SYNE1: variants seen among roughly 807,000 people sequenced by gnomAD.
The protein encoded by SYNE1 is spectrin repeat containing nuclear envelope protein 1, also known as nesprin-1.
A neutral mutation model predicts 1,111.0 loss-of-function variants in SYNE1; 616 were observed. The observed-to-expected ratio is 0.55, with a 90% CI of 0.52 to 0.59. The LOEUF (loss-of-function observed/expected upper bound fraction) is 0.59. SYNE1 is among the 20% of genes least tolerant of loss of function. The pLI is 0.00. For synonymous variants in SYNE1, 3,855 were observed against 3,825.8 expected (o/e 1.01, Z -0.28); for missense variants, 10,006 against 10,417.0 (o/e 0.96, Z 1.72).
rs1442561741 is a variant in SYNE1 at position 152,409,228 on chromosome 6, T to C, written c.6382-2A>G. The C allele has an allele frequency of 6.2e-7, 1 of 1,613,630 alleles. No individual in the cohort carries two copies. Among genetic ancestry groups the C allele is most frequent in the Non-Finnish European group, 8.5e-7 (1 of 1,179,728 alleles). ...CATTTTGTTCTTGGCAGTTTCATGC[T>C]GTGGATAAATGATTTCTTAATTAAT... On this transcript the variant is annotated splice_acceptor_variant, in intron 43 of 145. Transcript: ENST00000367255. LOFTEE classifies it high-confidence loss of function.
At chr6:152,318,622 T>G (rs2095794864) in intron 85 of SYNE1, among the ~76,000 whole-genome samples, 1 of 152,144 alleles carries the variant, frequency 6.6e-6, no homozygotes, top group South Asian at 2.1e-4. Context: ...CACTTAGTCC[T>G]TTGACGCTCT....
intron 131 of SYNE1, among the ~76,000 whole-genome samples, chr6:152,156,592 C>T (rs1026315099): frequency 9.2e-5 from 14 of 152,188 alleles, no homozygotes; most frequent in African/African-American, 2.7e-4. Context: ...CTTGAGATTA[C>T]TTATAATACC....
chr6:152,294,184 T>G, intron 93 of SYNE1, 57 bp from the exon 94 acceptor site: 1 of 1,575,002 alleles, frequency 6.3e-7, no homozygotes, highest in Non-Finnish European at 8.7e-7. Context: ...TAGATTAATA[T>G]GCTCTGGGTA....
intron 6 of SYNE1, among the ~76,000 whole-genome samples, chr6:152,517,315 T>C (rs1445162785): frequency 6.6e-6 from 1 of 152,236 alleles, no homozygotes; most frequent in Non-Finnish European, 1.5e-5. Context: ...GGATCTCCAT[T>C]TATAAAACTA....
chr6:152,174,209 G>A (rs555573059), intron 130 of SYNE1, among the ~76,000 whole-genome samples: 17 of 152,212 alleles, frequency 1.1e-4, no homozygotes, highest in African/African-American at 3.6e-4. Flanking sequence ...AAAACTCCCC[G>A]GGGGATGTTT....
chr6:152,461,498 A>G, intron 21 of SYNE1, 99 bp downstream of exon 21: 2 of 1,452,066 alleles, frequency 1.4e-6, no homozygotes, highest in Non-Finnish European at 9.6e-7. Flanking sequence ...AGCATCGTTA[A>G]CAAGTAAACA....
chr6:152,564,729 G>A (rs1242472720), intron 3 of SYNE1, among the ~76,000 whole-genome samples: 1 of 152,144 alleles, frequency 6.6e-6, no homozygotes, highest in African/African-American at 2.4e-5. Flanking sequence ...CTCTTCAGTA[G>A]AGGCCAAAAG....
intron 3 of SYNE1, among the ~76,000 whole-genome samples, chr6:152,564,833 AG>A (rs2099406999): frequency 6.6e-6 from 1 of 152,180 alleles, no homozygotes. Context: ...GAATTTCAAA[AG>A]GTGACTTAGC....
intron 41 of SYNE1, among the ~76,000 whole-genome samples, chr6:152,415,458 G>A (rs1216275444): frequency 6.6e-6 from 1 of 152,072 alleles, no homozygotes; most frequent in Non-Finnish European, 1.5e-5. Flanking sequence ...CTCTACAAGA[G>A]AACTGTTTCA....
intron 97 of SYNE1, among the ~76,000 whole-genome samples, chr6:152,279,037 T>C (rs139031996): frequency 0.012 from 1,798 of 152,018 alleles, 14 homozygotes; most frequent in Non-Finnish European, 0.019. Context: ...TCCAAAAGTG[T>C]TGGGATTACA....
At chr6:152,483,906 CAA>C (rs58228464) in intron 13 of SYNE1, among the ~76,000 whole-genome samples, 1 of 149,494 alleles carries the variant, frequency 6.7e-6, no homozygotes, top group African/African-American at 2.4e-5. Flanking sequence ...ATGAGACTAT[CAA>C]AAAAAAAATT....
chr6:152,469,437 A>T (rs2154276553), intron 16 of SYNE1, among the ~76,000 whole-genome samples: 1 of 152,130 alleles, frequency 6.6e-6, no homozygotes, highest in Admixed American at 6.5e-5. Flanking sequence ...GACCAAACAC[A>T]GTTCTAGTGG....
chr6:152,239,542 G>A lies in SYNE1; in HGVS notation c.20058C>T (p.Tyr6686=), dbSNP rs749952116. ...ACATCAATGGTCTCACCTCTAGAAT[G>A]TACTCCAGCTCCACACCCCTCTTGT... ...RAHKRGVELE[Y]ILETWSHLDE... is the part of the protein sequence containing the mutation. Residue 6686 remains tyrosine (Y), a synonymous_variant, in exon 108 of 146, where the codon TAC becomes TAT. Transcript: ENST00000367255. 1 of 1,614,156 alleles carries A rather than the reference G, an allele frequency of 6.2e-7. No individual in the cohort carries two copies. Among genetic ancestry groups the A allele is most frequent in the South Asian group, 1.1e-5 (1 of 91,086 alleles).
rs765080468 is a variant in SYNE1 at position 152,310,725 on chromosome 6, A to T, written c.16859T>A (p.Ile5620Asn). Residue 5620 changes from isoleucine to asparagine, a missense_variant, in exon 88 of 146, where the codon ATC becomes AAC. By Grantham distance (149) the Ile-to-Asn change is moderately radical. Transcript: ENST00000367255. ...GRETEELRQMIKIRLQNLQDA... is the reference protein window; with the variant it reads ...GRETEELRQMNKIRLQNLQDA... Reference sequence around the variant, plus strand: ...TTGGAGGTTCTGCAAACGAATTTTGATCATCTGTCGCAACTCCTCAGTCTC... The same window carrying T: ...TTGGAGGTTCTGCAAACGAATTTTGTTCATCTGTCGCAACTCCTCAGTCTC... The T allele has an allele frequency of 8.7e-6, 14 of 1,613,064 alleles. No individual in the cohort carries two copies. In the African/African-American group the frequency reaches 1.6e-4, roughly 19 times the overall value.
intron 54 of SYNE1, 120 bp downstream of exon 54, chr6:152,386,952 C>T: frequency 2.3e-6 from 2 of 887,420 alleles, no homozygotes; most frequent in East Asian, 2.8e-5. Flanking sequence ...AATTCTCCAA[C>T]AATTTAATCC....
intron 32 of SYNE1, among the ~76,000 whole-genome samples, chr6:152,439,444 G>A (rs1488597108): frequency 6.6e-6 from 1 of 152,210 alleles, no homozygotes; most frequent in Middle Eastern, 3.4e-3. Context: ...TGACCAGGCT[G>A]GTCTCAACTC....
At chr6:152,498,838 G>A (rs1039262077) in intron 10 of SYNE1, 46 bp from the exon 11 acceptor site, 33 of 1,121,584 alleles carry the variant, frequency 2.9e-5, no homozygotes, top group Middle Eastern at 3.0e-4. Flanking sequence ...TATAAATCAG[G>A]GTCAAAAATT....
intron 8 of SYNE1, among the ~76,000 whole-genome samples, chr6:152,508,911 CTTTG>C (rs2099071278): frequency 6.6e-6 from 1 of 152,202 alleles, no homozygotes; most frequent in South Asian, 2.1e-4. Flanking sequence ...TAATTACATC[CTTTG>C]TTTCTCTTTT....
At chr6:152,584,400 G>T (rs142659378) in intron 3 of SYNE1, among the ~76,000 whole-genome samples, 10 of 152,010 alleles carry the variant, frequency 6.6e-5, no homozygotes, top group Non-Finnish European at 1.5e-4. Context: ...TATTCCCCTT[G>T]GTGCAAAATA....
Sources: allele counts gnomAD v4.1 joint callset (sites outside exome capture counted in the v4.1 genomes callset), GRCh38; gene constraint gnomAD v4.1.1; transcripts MANE v1.5; gene names NCBI Gene and HGNC (gene_info 2026-07-23, HGNC 2026-07-21).